Variants in PGPEP1L observed in about 807,000 individuals in gnomAD.
PGPEP1L encodes pyroglutamyl-peptidase I like, also known as pyroglutamyl-peptidase 1-like protein.
A neutral mutation model predicts 6.0 loss-of-function variants in PGPEP1L; 7 were observed. The observed-to-expected ratio is 1.17, with a 90% CI of 0.66 to 2.19. The LOEUF is 2.19. PGPEP1L is among the 30% of genes most tolerant of loss of function. PGPEP1L has a pLI of 0.00. For missense variants in PGPEP1L, 209 were observed against 192.5 expected (o/e 1.09, Z -0.51); for synonymous variants, 103 against 83.9 (o/e 1.23, Z -1.24).
intron 1 of PGPEP1L, among the ~76,000 whole-genome samples, chr15:99,006,846 A>C (rs1364988619): frequency 6.6e-6 from 1 of 152,044 alleles, no homozygotes; most frequent in African/African-American, 2.4e-5. Context: ...TTTTTTCCTG[A>C]AGCTGTATAT....
chr15:99,007,177 C>A (rs746439797), intron 1 of PGPEP1L, among the ~76,000 whole-genome samples, 182 bp downstream of exon 1: 17 of 152,238 alleles, frequency 1.1e-4, no homozygotes, highest in Non-Finnish European at 2.2e-4. Context: ...TTTGCTCCCA[C>A]TAGTCTCCCA....
chr15:98,987,041 C>T (rs534694461), intron 2 of PGPEP1L, among the ~76,000 whole-genome samples: 3 of 151,782 alleles, frequency 2.0e-5, no homozygotes, highest in East Asian at 3.9e-4. Flanking sequence ...GTGGCATGCA[C>T]CTATAGTCCC....
Position 98,968,588 on chromosome 15 carries a change from T to C in PGPEP1L, c.319A>G (p.Arg107Gly), listed in dbSNP as rs769314705. Residue 107 changes from arginine to glycine, a missense_variant, in exon 5 of 5, where the codon AGA (arginine) becomes GGA (glycine). By Grantham distance (125) the Arg-to-Gly change is moderately radical. Transcript: ENST00000535714. Reference sequence around the variant, plus strand: ...TCCTGGATGATGACTCTCAAGGCTCTTCCCAGCAGGCTGGCCGGGAGCCCG... The same window carrying C: ...TCCTGGATGATGACTCTCAAGGCTCCTCCCAGCAGGCTGGCCGGGAGCCCG... ...SRGLPASLLG[R>G]ALRVIIQEML... The C allele has an allele frequency of 1.2e-6, 2 of 1,611,816 alleles. No individual in the cohort carries two copies. The highest frequency in any genetic ancestry group is 4.5e-5 in the East Asian group (2 of 44,850).
At chr15:98,972,584 G>C (rs1361099920) in intron 2 of PGPEP1L, among the ~76,000 whole-genome samples, 1 of 151,892 alleles carries the variant, frequency 6.6e-6, no homozygotes, top group Non-Finnish European at 1.5e-5. Context: ...AAAAGGTGCA[G>C]TGGGCCGGGC....
chr15:99,007,157 G>A (rs1411908728), intron 1 of PGPEP1L, among the ~76,000 whole-genome samples: 1 of 152,208 alleles, frequency 6.6e-6, no homozygotes, highest in African/African-American at 2.4e-5. Flanking sequence ...CCAACAGGTG[G>A]GAAGCGCCAT....
chr15:98,983,579 A>G (rs924757493), intron 2 of PGPEP1L, among the ~76,000 whole-genome samples: 2 of 152,194 alleles, frequency 1.3e-5, no homozygotes, highest in Non-Finnish European at 2.9e-5. Flanking sequence ...TTTTGAATGA[A>G]TATGAGGTGG....
At chr15:99,000,843 C>T (rs1378760282) in intron 2 of PGPEP1L, among the ~76,000 whole-genome samples, 1 of 152,108 alleles carries the variant, frequency 6.6e-6, no homozygotes, top group African/African-American at 2.4e-5. Context: ...CAGTGGCAAC[C>T]CACTCGGGTC....
intron 2 of PGPEP1L, among the ~76,000 whole-genome samples, chr15:98,979,132 G>A (rs1244434675): frequency 6.6e-6 from 1 of 151,912 alleles, no homozygotes; most frequent in African/African-American, 2.4e-5. Flanking sequence ...AAGATAAACA[G>A]GTCAGACTGT....
chr15:98,978,719 T>TAG, intron 2 of PGPEP1L, among the ~76,000 whole-genome samples: 1 of 39,410 alleles, frequency 2.5e-5, no homozygotes, highest in South Asian at 1.4e-3. Context: ...TATATATATA[T>TAG]ATATATATTT....
At chr15:98,997,039 C>T (rs2017897985) in intron 2 of PGPEP1L, among the ~76,000 whole-genome samples, 1 of 152,232 alleles carries the variant, frequency 6.6e-6, no homozygotes, top group Non-Finnish European at 1.5e-5. Context: ...GGAGCTAAAC[C>T]CAGGAGGCCT....
chr15:99,001,315 T>A (rs1030100262), intron 2 of PGPEP1L: 1 of 232,044 alleles, frequency 4.3e-6, no homozygotes, highest in South Asian at 4.2e-5. Context: ...GGACCACATG[T>A]AAAATGATTC....
In PGPEP1L at chr15:99,001,108, G is replaced by A. The variant is rs372095555; in HGVS notation, c.-142+4321C>T. 10 of 431,046 alleles carry A rather than the reference G, an allele frequency of 2.3e-5. 1 individual carries two copies. In the East Asian group the frequency reaches 4.3e-4, roughly 18 times the overall value. 26.7% of individuals were successfully genotyped at this position (431,046 alleles called of 1,614,324 possible). A position where few individuals can be genotyped will look rare whatever the true frequency, so the allele number is the denominator to read the frequency against. ...AGCAAGACCATGAACCCACCAGAAG[G>A]AAGAAACTCTGAACACATCCAAACA... On this transcript the variant is annotated intron_variant, in intron 2 of 4. Transcript: ENST00000535714.
intron 2 of PGPEP1L, among the ~76,000 whole-genome samples, chr15:98,972,123 T>C (rs2151754357): frequency 6.6e-6 from 1 of 152,098 alleles, no homozygotes; most frequent in South Asian, 2.1e-4. Context: ...GAGGCCGAGG[T>C]GAGTGGATCA....
At chr15:98,974,083 A>G (rs2038213457) in intron 2 of PGPEP1L, among the ~76,000 whole-genome samples, 1 of 152,226 alleles carries the variant, frequency 6.6e-6, no homozygotes, top group Admixed American at 6.5e-5. Context: ...ACAAATTGGA[A>G]AATATAGAAG....
At chr15:98,989,542 G>T (rs966724380) in intron 2 of PGPEP1L, among the ~76,000 whole-genome samples, 3 of 152,216 alleles carry the variant, frequency 2.0e-5, no homozygotes, top group African/African-American at 7.2e-5. Context: ...ATGGAACCAA[G>T]TTGGAAAACA....
intron 2 of PGPEP1L, among the ~76,000 whole-genome samples, chr15:98,981,271 T>G (rs1338914430): frequency 6.6e-6 from 1 of 151,922 alleles, no homozygotes; most frequent in Non-Finnish European, 1.5e-5. Context: ...GGCGGGCGGA[T>G]CACGAGGTCA....
chr15:99,002,236 T>C (rs546076170), intron 2 of PGPEP1L, among the ~76,000 whole-genome samples: 5 of 152,300 alleles, frequency 3.3e-5, no homozygotes, highest in African/African-American at 1.2e-4. Flanking sequence ...TCTCAGGTGA[T>C]CTGCCCATCT....
chr15:98,989,372 G>A (rs1272131500), intron 2 of PGPEP1L, among the ~76,000 whole-genome samples: 1 of 152,164 alleles, frequency 6.6e-6, no homozygotes, highest in Non-Finnish European at 1.5e-5. Context: ...TCAAGTGGAA[G>A]AAAGGATATC....
At chr15:98,976,833 T>TG (rs2017577080) in intron 2 of PGPEP1L, among the ~76,000 whole-genome samples, 1 of 152,094 alleles carries the variant, frequency 6.6e-6, no homozygotes, top group African/African-American at 2.4e-5. Context: ...TTTTTACAGA[T>TG]TATTATTTTA....
Sources: allele counts gnomAD v4.1 joint callset (sites outside exome capture counted in the v4.1 genomes callset), GRCh38; gene constraint gnomAD v4.1.1; transcripts MANE v1.5; gene names NCBI Gene and HGNC (gene_info 2026-07-23, HGNC 2026-07-21).